The following FBXL18 variants were observed in gnomAD, a reference collection of about 807,000 sequenced individuals.
FBXL18 encodes F-box and leucine rich repeat protein 18, also known as F-box/LRR-repeat protein 18.
FBXL18 carries 36 observed loss-of-function variants against 46.0 expected under a neutral mutation model. That is an observed-to-expected ratio of 0.78 (90% CI 0.60 to 1.03). FBXL18 has a LOEUF of 1.03. FBXL18 is among the 50% of genes least tolerant of loss of function. The pLI is 0.00. For synonymous variants in FBXL18, 557 were observed against 465.3 expected, an observed-to-expected ratio of 1.20 and a Z score of -2.54; for missense variants, 977 against 1,004.1, an observed-to-expected ratio of 0.97 and a Z score of 0.36.
chr7:5,505,317 A>T, intron 2 of FBXL18, 95 bp downstream of exon 2: 1 of 1,175,384 alleles, frequency 8.5e-7, no homozygotes, highest in Non-Finnish European at 1.2e-6. Context: ...TGCCACCTTT[A>T]TATCAGCACA....
At position 5,513,660 on chromosome 7, in the gene FBXL18, T is replaced by C; in HGVS notation, c.15A>G (p.Gly5=). The C allele has an allele frequency of 1.6e-5, 26 of 1,610,776 alleles. No homozygotes were observed. The highest frequency in any genetic ancestry group is 2.1e-5 in the Non-Finnish European group (25 of 1,178,642). Residue 5 remains glycine, a synonymous_variant, in exon 1 of 5, where the codon GGA becomes GGG. Transcript: ENST00000382368. MASS[G]EDISNDDDDM... is the part of the protein sequence containing the mutation. ...CGGAGACAGTCGCGGACAGTACCTC[T>C]CCGGAGCTGGCCATGTCGCCGGCGG...
At chr7:5,502,435 G>T (rs544631843) in intron 2 of FBXL18, among the ~76,000 whole-genome samples, 3 of 152,142 alleles carry the variant, frequency 2.0e-5, no homozygotes, top group African/African-American at 7.2e-5. Flanking sequence ...CTCCAGAGGC[G>T]AAGGCAGAAG....
At chr7:5,502,524 G>A (rs901458641) in intron 2 of FBXL18, among the ~76,000 whole-genome samples, 3 of 148,098 alleles carry the variant, frequency 2.0e-5, no homozygotes, top group African/African-American at 7.5e-5. Context: ...AACAGAAAGA[G>A]ACTCTGTCTC....
intron 1 of FBXL18, among the ~76,000 whole-genome samples, chr7:5,509,803 G>A (rs938693537): frequency 1.3e-5 from 2 of 151,914 alleles, no homozygotes; most frequent in African/African-American, 4.8e-5. Context: ...GAGGGGTGAT[G>A]CCCAGACAAG....
chr7:5,473,288 A>C (rs1584191412), downstream of FBXL18, among the ~76,000 whole-genome samples: 1 of 151,528 alleles, frequency 6.6e-6, no homozygotes, highest in Non-Finnish European at 1.5e-5. Context: ...GAGGGGCCCC[A>C]CCCTGGCCGC....
rs1783583262 is a variant in FBXL18, at chr7:5,479,121, G to C, written c.*2654C>G. The stretch of plus-strand genomic sequence containing the variant: ...GCGGAAATTCTTGCTCTAAGTCAGA[G>C]GATGGTTGCAGGGGACACTAAAAAT... On this transcript the variant is annotated 3_prime_UTR_variant, in exon 5 of 5. Transcript: ENST00000382368. 6.6e-6 allele frequency: 1 copy of C among 152,170 alleles called. No individual in the cohort carries two copies. The highest frequency in any genetic ancestry group is 2.4e-5 in the African/African-American group (1 of 41,442). The allele number at this position is 152,170 out of a possible 1,614,324, so 9.4% of individuals were successfully genotyped here.
In FBXL18 at chr7:5,481,791, G is replaced by A. The variant is rs185800545; in HGVS notation, c.2141C>T (p.Pro714Leu). 8.1e-5 allele frequency: 130 copies of A among 1,613,482 alleles called. No individual in the cohort carries two copies. The African/African-American group carries it at 1.0e-3, about 13-fold the overall frequency. Reference protein sequence around the residue: ...LFKSRVAEEPPNLWW With the variant: ...LFKSRVAEEPLNLWW The stretch of plus-strand genomic sequence containing the variant: ...CTCCGCCTCTCACCACCACAGGTTC[G>A]GCGGTTCCTCGGCCACTCTGCTCTT... The change falls in exon 5 of 5, where the codon CCG becomes CTG. Residue 714 changes from proline (P) to leucine (L), a missense_variant. By Grantham distance (98) the Pro-to-Leu change is moderately conservative. Coordinates refer to ENST00000382368, the MANE Select transcript of FBXL18 (RefSeq NM_024963.6).
downstream of FBXL18, among the ~76,000 whole-genome samples, chr7:5,473,958 G>A (rs989653113): frequency 1.3e-5 from 2 of 151,826 alleles, no homozygotes; most frequent in Non-Finnish European, 1.5e-5. Flanking sequence ...CACCATGCCC[G>A]GCTAATTTTT....
Position 5,479,367 on chromosome 7 carries a change from T to C in FBXL18, c.*2408A>G, listed in dbSNP as rs1562682171. On this transcript the variant is annotated 3_prime_UTR_variant, in exon 5 of 5. Transcript: ENST00000382368. ...GTGGGGAATGTTCTGGAGGAAGGAG[T>C]GGGGCGGAGCTGCGGTGCCCAGAGA... 2.0e-5 allele frequency: 3 copies of C among 151,774 alleles called. No homozygotes were observed. The highest frequency in any genetic ancestry group is 4.8e-5 in the African/African-American group (2 of 41,250). The allele number at this position is 151,774 out of a possible 1,614,324, so 9.4% of individuals were successfully genotyped here. A position where few individuals can be genotyped will look rare whatever the true frequency, so the allele number is the denominator to read the frequency against.
intron 4 of FBXL18, among the ~76,000 whole-genome samples, chr7:5,464,595 G>A (rs184685744): frequency 1.2e-3 from 154 of 132,064 alleles, no homozygotes; most frequent in African/African-American, 4.1e-3. Flanking sequence ...CCCAGGAGAC[G>A]AATGTTGCAG....
chr7:5,505,322 A>G, intron 2 of FBXL18, 90 bp downstream of exon 2: 1 of 1,221,950 alleles, frequency 8.2e-7, no homozygotes, highest in East Asian at 2.5e-5. Context: ...CCTTTATATC[A>G]GCACACAGGG....
At chr7:5,469,189 A>C (rs1408544288) in intron 4 of FBXL18, among the ~76,000 whole-genome samples, 1 of 152,180 alleles carries the variant, frequency 6.6e-6, no homozygotes, top group Non-Finnish European at 1.5e-5. Context: ...AAGTGGGTGG[A>C]TCACCTGAGG....
chr7:5,506,341 C>T (rs1281039448), intron 1 of FBXL18, among the ~76,000 whole-genome samples: 3 of 151,856 alleles, frequency 2.0e-5, no homozygotes, highest in East Asian at 3.9e-4. Context: ...CTCCGCCTCC[C>T]GGGTTGAAGC....
intron 3 of FBXL18, among the ~76,000 whole-genome samples, chr7:5,498,235 C>T (rs10280267): frequency 3.7e-4 from 57 of 152,108 alleles, no homozygotes; most frequent in African/African-American, 1.3e-3. Context: ...CTACAGGCGC[C>T]CACCACCACG....
At chr7:5,474,455 A>G (rs1283899562), downstream of FBXL18, among the ~76,000 whole-genome samples, 2 of 150,746 alleles carry the variant, frequency 1.3e-5, no homozygotes, top group Admixed American at 6.6e-5. Context: ...GGGACCACAG[A>G]CAGGTGTGTG....
At chr7:5,463,979 T>G (rs1434046394) in intron 4 of FBXL18, among the ~76,000 whole-genome samples, 20 of 151,742 alleles carry the variant, frequency 1.3e-4, no homozygotes, top group Admixed American at 1.3e-3. Context: ...GACCTCATGA[T>G]CCACCCACCT....
downstream of FBXL18, among the ~76,000 whole-genome samples, chr7:5,474,678 A>G (rs946919017): frequency 6.5e-3 from 100 of 15,280 alleles, no homozygotes; most frequent in African/African-American, 0.025. Flanking sequence ...CAAATTATGC[A>G]CTTTATTTTT....
intron 4 of FBXL18, among the ~76,000 whole-genome samples, chr7:5,490,931 C>T (rs1783905273): frequency 6.6e-6 from 1 of 152,218 alleles, no homozygotes; most frequent in Non-Finnish European, 1.5e-5. Context: ...TACACTCCAG[C>T]CTGGGCAACA....
At position 5,479,865 on chromosome 7, in the gene FBXL18, G is replaced by A. The variant is rs531349879; in HGVS notation, c.*1910C>T. On this transcript the variant is annotated 3_prime_UTR_variant, in exon 5 of 5. Transcript: ENST00000382368. ...CCGTGGGCTTCAGAGAGGAGGCGAT[G>A]ACCCCATACATACAAGAAAGTCAGG... 6.6e-6 allele frequency: 1 copy of A among 152,622 alleles called. No individual in the cohort carries two copies. The highest frequency in any genetic ancestry group is 2.4e-5 in the African/African-American group (1 of 41,590). The allele number at this position is 152,622 out of a possible 1,614,324, so 9.5% of individuals were successfully genotyped here. A position where few individuals can be genotyped will look rare whatever the true frequency, so the allele number is the denominator to read the frequency against.
Sources: gnomAD v4.1 joint callset for allele counts (sites outside exome capture counted in the v4.1 genomes callset) on GRCh38, gnomAD v4.1.1 for gene constraint, MANE v1.5 for transcripts, NCBI Gene and HGNC (gene_info 2026-07-23, HGNC 2026-07-21) for gene names.